Variants in CSMD1 observed in about 807,000 individuals in gnomAD.
CSMD1 encodes the protein CUB and sushi domain-containing protein 1.
Under a neutral mutation model 417.5 loss-of-function variants are expected in CSMD1, and 213 were observed. The observed-to-expected ratio is 0.51, with a 90% CI of 0.46 to 0.57. CSMD1 has a LOEUF of 0.57. CSMD1 is among the 20% of genes least tolerant of loss of function. CSMD1 has a pLI of 0.00. For synonymous variants in CSMD1, 2,862 were observed against 1,736.8 expected (o/e 1.65, Z -16.11); for missense variants, 6,923 against 4,529.7 (o/e 1.53, Z -15.17).
intron 6 of CSMD1, among the ~76,000 whole-genome samples, chr8:3,730,790 C>T (rs1434223394): frequency 1.3e-5 from 2 of 152,096 alleles, no homozygotes; most frequent in African/African-American, 4.8e-5. Context: ...TACCCTTAAC[C>T]TAATATTTTG....
At chr8:3,075,885 CAAA>C (rs754691568) in intron 49 of CSMD1, among the ~76,000 whole-genome samples, 14 of 106,982 alleles carry the variant, frequency 1.3e-4, no homozygotes, top group African/African-American at 4.4e-4. Context: ...ACTAAAAATA[CAAA>C]AAAAAAAAAA....
intron 10 of CSMD1, among the ~76,000 whole-genome samples, chr8:3,536,063 A>G (rs1798184868): frequency 6.6e-6 from 1 of 152,230 alleles, no homozygotes; most frequent in South Asian, 2.1e-4. Flanking sequence ...GGTCCTGGCC[A>G]TACACAAGTA....
intron 1 of CSMD1, among the ~76,000 whole-genome samples, chr8:4,897,645 A>G (rs900568500): frequency 6.7e-6 from 1 of 149,164 alleles, no homozygotes; most frequent in Non-Finnish European, 1.5e-5. Flanking sequence ...GTCCAATAAT[A>G]TGATATTATT....
Position 4,092,301 on chromosome 8 carries a change from A to T in CSMD1, c.416-60202T>A, listed in dbSNP as rs529796041. On this transcript the variant is annotated intron_variant, in intron 3 of 69. Transcript: ENST00000635120. ...TGAGTATGGGAAACCCGAGGGCAAC[A>T]TTTCCTGGCTTCGTCCTTTCCTGTG... Among the ~76,000 whole-genome samples, 20 of 152,250 alleles carry T rather than the reference A, an allele frequency of 1.3e-4. No homozygotes were observed. In the South Asian group the frequency reaches 3.7e-3, roughly 28 times the overall value.
chr8:3,244,457 G>C (rs576557799), intron 26 of CSMD1, among the ~76,000 whole-genome samples: 1 of 152,278 alleles, frequency 6.6e-6, no homozygotes, highest in East Asian at 1.9e-4. Flanking sequence ...AGCAGGGTTA[G>C]TTTGCATAAG....
At chr8:4,016,939 G>A (rs537908214) in intron 4 of CSMD1, among the ~76,000 whole-genome samples, 1 of 152,262 alleles carries the variant, frequency 6.6e-6, no homozygotes, top group Non-Finnish European at 1.5e-5. Flanking sequence ...AATCTCAAAA[G>A]ATGAAACTCC....
In CSMD1 at chr8:3,349,685, G is replaced by T. The variant is rs1052748618; in HGVS notation, c.3305-1524C>A. Reference sequence around the variant, plus strand: ...TAATTCTGTAAAAATCATTTTAAAAGAGAAATTTATATGTATATATACTCA... The same window carrying T: ...TAATTCTGTAAAAATCATTTTAAAATAGAAATTTATATGTATATATACTCA... On this transcript the variant is annotated intron_variant, in intron 21 of 69. Coordinates refer to ENST00000635120, the MANE Select transcript of CSMD1 (RefSeq NM_033225.6). 2.0e-5 allele frequency among the ~76,000 whole-genome samples: 3 copies of T among 148,482 alleles called. No individual in the cohort carries two copies. The East Asian group carries it at 5.9e-4, about 29-fold the overall frequency.
chr8:4,198,785 C>A (rs1009271671), intron 3 of CSMD1, among the ~76,000 whole-genome samples: 1 of 152,002 alleles, frequency 6.6e-6, no homozygotes, highest in Admixed American at 6.6e-5. Context: ...AAGAGTTCAT[C>A]GACTTTACTA....
chr8:4,214,328 C>T (rs1800502270), intron 3 of CSMD1, among the ~76,000 whole-genome samples: 1 of 152,164 alleles, frequency 6.6e-6, no homozygotes, highest in South Asian at 2.1e-4. Context: ...GAAAAGGTCT[C>T]ACTCTGTCAC....
rs963271650 is a variant in CSMD1, at chr8:4,486,963, G to A, written c.303-66898C>T. Among the ~76,000 whole-genome samples, 6 of 152,166 alleles carry A rather than the reference G, an allele frequency of 3.9e-5. 1 individual carries two copies. The highest frequency in any genetic ancestry group is 1.4e-4 in the African/African-American group (6 of 41,444). The stretch of plus-strand genomic sequence containing the variant: ...GGTCCTAAATGGTAGCTCACAGAGA[G>A]AGATGCACAGCTGACGGCTACACAC... On this transcript the variant is annotated intron_variant, in intron 2 of 69. Transcript: ENST00000635120.
chr8:4,791,576 G>A (rs138956394), intron 1 of CSMD1, among the ~76,000 whole-genome samples: 53 of 152,276 alleles, frequency 3.5e-4, no homozygotes, highest in East Asian at 2.9e-3. Context: ...AGAAACTAAC[G>A]TGAGGAAATC....
At chr8:4,247,409 T>G (rs1325032528) in intron 3 of CSMD1, among the ~76,000 whole-genome samples, 1 of 152,176 alleles carries the variant, frequency 6.6e-6, no homozygotes, top group Non-Finnish European at 1.5e-5. Flanking sequence ...ATCTCCAGCT[T>G]GCAGTTCTCC....
intron 3 of CSMD1, among the ~76,000 whole-genome samples, chr8:4,091,914 G>T (rs1800742394): frequency 6.6e-6 from 1 of 152,156 alleles, no homozygotes; most frequent in African/African-American, 2.4e-5. Context: ...AATAGTCAGT[G>T]CTCCCAGTTC....
intron 3 of CSMD1, among the ~76,000 whole-genome samples, chr8:4,176,930 C>A (rs1352552541): frequency 6.7e-6 from 1 of 149,706 alleles, no homozygotes; most frequent in African/African-American, 2.5e-5. Flanking sequence ...ATTCATAAAG[C>A]AAGTCCTCAG....
At chr8:4,191,545 C>G (rs1364929877) in intron 3 of CSMD1, among the ~76,000 whole-genome samples, 1 of 152,134 alleles carries the variant, frequency 6.6e-6, no homozygotes, top group Admixed American at 6.5e-5. Context: ...CTCATCTGAA[C>G]TACAACTGAA....
intron 3 of CSMD1, among the ~76,000 whole-genome samples, chr8:4,053,702 T>G (rs1210885678): frequency 6.6e-6 from 1 of 152,124 alleles, no homozygotes; most frequent in Non-Finnish European, 1.5e-5. Context: ...CAGCTCATCA[T>G]GGCAGTAGGA....
intron 11 of CSMD1, among the ~76,000 whole-genome samples, chr8:3,488,263 C>A (rs928076663): frequency 6.6e-6 from 1 of 151,934 alleles, no homozygotes; most frequent in Non-Finnish European, 1.5e-5. Context: ...CCACCACACC[C>A]GGCTAATTTT....
intron 7 of CSMD1, among the ~76,000 whole-genome samples, chr8:3,668,631 C>A (rs186323522): frequency 1.3e-5 from 2 of 152,162 alleles, no homozygotes; most frequent in East Asian, 3.9e-4. Flanking sequence ...AAGAGACGAT[C>A]CTGAACAGAG....
At chr8:3,828,204 T>C (rs533292688) in intron 5 of CSMD1, among the ~76,000 whole-genome samples, 1 of 152,162 alleles carries the variant, frequency 6.6e-6, no homozygotes, top group Non-Finnish European at 1.5e-5. Flanking sequence ...TCCTTGATAT[T>C]CCTGGCTAGA....
Sources: gnomAD v4.1 joint callset for allele counts (sites outside exome capture counted in the v4.1 genomes callset) on GRCh38, gnomAD v4.1.1 for gene constraint, MANE v1.5 for transcripts, NCBI Gene and HGNC (gene_info 2026-07-23, HGNC 2026-07-21) for gene names.